Variants in ACSS3 observed in about 807,000 individuals in gnomAD.
The protein encoded by ACSS3 is acyl-CoA synthetase short chain family member 3.
In ACSS3, 64 loss-of-function variants were observed where a neutral mutation model predicts 84.2. The observed-to-expected ratio is 0.76, with a 90% CI of 0.62 to 0.94. The LOEUF (loss-of-function observed/expected upper bound fraction) is 0.94. ACSS3 is among the 40% of genes least tolerant of loss of function. The probability of loss-of-function intolerance (pLI) is 0.00; values close to 1 mark genes in which losing one functional copy is unlikely to be tolerated. For synonymous variants in ACSS3, 317 were observed against 310.1 expected (o/e 1.02, Z -0.23); for missense variants, 815 against 867.6 (o/e 0.94, Z 0.76).
intron 11 of ACSS3, among the ~76,000 whole-genome samples, chr12:81,222,788 G>T (rs2033153268): frequency 6.6e-6 from 1 of 151,896 alleles, no homozygotes; most frequent in Non-Finnish European, 1.5e-5. Flanking sequence ...ACTACTATAG[G>T]TCTTAAGATA....
intron 2 of ACSS3, among the ~76,000 whole-genome samples, chr12:81,132,349 A>T (rs979290149): frequency 1.3e-5 from 2 of 152,020 alleles, no homozygotes; most frequent in African/African-American, 4.8e-5. Flanking sequence ...TTCCTGGTTT[A>T]GTCTTGGGAG....
chr12:81,103,645 T>A (rs1401779312), intron 1 of ACSS3, among the ~76,000 whole-genome samples: 1 of 152,110 alleles, frequency 6.6e-6, no homozygotes, highest in African/African-American at 2.4e-5. Flanking sequence ...CTACAGAACC[T>A]ACCTCATTTG....
At position 81,260,908 on chromosome 12, in the gene ACSS3, T is replaced by G. The variant is rs1029326718; in HGVS notation, c.*5986T>G. 3.9e-5 allele frequency: 6 copies of G among 152,220 alleles called. No individual in the cohort carries two copies. The highest frequency in any genetic ancestry group is 1.4e-4 in the African/African-American group (6 of 41,466). 9.4% of individuals were successfully genotyped at this position (152,220 alleles called of 1,614,324 possible). A position where few individuals can be genotyped will look rare whatever the true frequency, so the allele number is the denominator to read the frequency against. ...GCATAGTTTTAGGTTGAAAAAAAAT[T>G]ATGAACATTTGACATTTATAAATCT... On this transcript the variant is annotated 3_prime_UTR_variant, in exon 16 of 16. Transcript: ENST00000548058.
At chr12:81,162,193 A>C (rs924920128) in intron 7 of ACSS3, among the ~76,000 whole-genome samples, 1 of 152,214 alleles carries the variant, frequency 6.6e-6, no homozygotes, top group African/African-American at 2.4e-5. Flanking sequence ...AGCAAGGCAA[A>C]GAGGTGCTTT....
intron 2 of ACSS3, among the ~76,000 whole-genome samples, chr12:81,131,283 T>G (rs546978651): frequency 4.1e-4 from 63 of 152,332 alleles, no homozygotes; most frequent in African/African-American, 1.4e-3. Context: ...TCCATTTGTT[T>G]GTGTCCTCTT....
intron 7 of ACSS3, among the ~76,000 whole-genome samples, chr12:81,170,868 T>G (rs1593155567): frequency 6.6e-6 from 1 of 152,112 alleles, no homozygotes; most frequent in African/African-American, 2.4e-5. Context: ...CTTGTCTATG[T>G]GTGTGTGCGT....
At chr12:81,085,647 C>T (rs1881262517) in intron 1 of ACSS3, among the ~76,000 whole-genome samples, 1 of 152,110 alleles carries the variant, frequency 6.6e-6, no homozygotes, top group Non-Finnish European at 1.5e-5. Context: ...AAATCTTGGC[C>T]AACCTGAAAA....
intron 9 of ACSS3, among the ~76,000 whole-genome samples, chr12:81,210,533 G>T: frequency 6.6e-6 from 1 of 151,714 alleles, no homozygotes; most frequent in Admixed American, 6.5e-5. Context: ...AAATAAGAAG[G>T]CTATGAACCT....
In ACSS3 at chr12:81,078,436, G is replaced by A. The variant is rs935097849; in HGVS notation, c.311+5G>A. 6.2e-7 allele frequency: 1 copy of A among 1,611,800 alleles called. No homozygotes were observed. Among genetic ancestry groups the A allele is most frequent in the Non-Finnish European group, 8.5e-7 (1 of 1,179,998 alleles). ...ACACTCGCCCTCTACCAGGTGGTGA[G>A]TGACTTCTGTGCCAACCCTGATCCC... is the stretch of plus-strand genomic sequence containing the variant. On this transcript the variant is annotated splice_donor_5th_base_variant and intron_variant, in intron 1 of 15. Transcript: ENST00000548058.
intron 7 of ACSS3, among the ~76,000 whole-genome samples, chr12:81,171,564 A>AT (rs1237438086): frequency 6.6e-6 from 1 of 152,146 alleles, no homozygotes; most frequent in African/African-American, 2.4e-5. Flanking sequence ...ACATTGTGGG[A>AT]TTTTATGAAT....
chr12:81,233,576 T>A, intron 13 of ACSS3, 105 bp downstream of exon 13: 2 of 1,418,116 alleles, frequency 1.4e-6, no homozygotes, highest in Non-Finnish European at 1.9e-6. Flanking sequence ...ACACCCTTCA[T>A]TTGCAGCAGA....
In ACSS3 at chr12:81,143,186, C is replaced by A; in HGVS notation, c.860C>A (p.Pro287His). ...AAAGCCCAGTCACATGACTGTGTTC[C>A]TGTTCTTTCAGAACACCCACTGTAT... ...MAKAQSHDCV[P>H]VLSEHPLYIL... Residue 287 changes from proline to histidine, a missense_variant, in exon 5 of 16, where the codon CCT becomes CAT. Pro to His is a moderately conservative substitution (Grantham distance 77). Coordinates refer to ENST00000548058, the MANE Select transcript of ACSS3 (RefSeq NM_024560.4). The A allele has an allele frequency of 6.2e-7, 1 of 1,613,464 alleles. No individual in the cohort carries two copies. The highest frequency in any genetic ancestry group is 8.5e-7 in the Non-Finnish European group (1 of 1,179,476).
At chr12:81,126,667 C>G (rs777686987) in intron 2 of ACSS3, among the ~76,000 whole-genome samples, 2 of 152,130 alleles carry the variant, frequency 1.3e-5, no homozygotes, top group Non-Finnish European at 2.9e-5. Flanking sequence ...TGTGAAATTA[C>G]AGTCTGAAAA....
chr12:81,117,393 G>A (rs893315623), intron 2 of ACSS3, among the ~76,000 whole-genome samples: 12 of 152,130 alleles, frequency 7.9e-5, no homozygotes, highest in African/African-American at 2.4e-4. Flanking sequence ...GAGGGACTTC[G>A]CCTGCCATTT....
intron 2 of ACSS3, among the ~76,000 whole-genome samples, chr12:81,132,425 T>G (rs1458566063): frequency 6.6e-6 from 1 of 152,196 alleles, no homozygotes; most frequent in East Asian, 1.9e-4. Context: ...TAGAGGTGTT[T>G]ATAGTATTCT....
Position 81,207,684 on chromosome 12 carries a change from C to T in ACSS3, c.1354+8240C>T, listed in dbSNP as rs149277844. Among the ~76,000 whole-genome samples the T allele has an allele frequency of 6.2e-4, 94 of 152,240 alleles. 1 individual carries two copies. The East Asian group carries it at 0.017, about 27-fold the overall frequency. On this transcript the variant is annotated intron_variant, in intron 9 of 15. Coordinates refer to ENST00000548058, the MANE Select transcript of ACSS3 (RefSeq NM_024560.4). ...ACTTGGACTGTAAAAGCGGAACTTA[C>T]GTTTGAGAAAATGTAACCGTAGAGA...
intron 5 of ACSS3, among the ~76,000 whole-genome samples, chr12:81,150,784 C>G (rs2135751901): frequency 6.6e-6 from 1 of 152,260 alleles, no homozygotes; most frequent in African/African-American, 2.4e-5. Flanking sequence ...TTTCATTTTC[C>G]TGATTTGTGT....
At chr12:81,228,090 A>G (rs2033331334) in intron 11 of ACSS3, among the ~76,000 whole-genome samples, 1 of 151,860 alleles carries the variant, frequency 6.6e-6, no homozygotes, top group Non-Finnish European at 1.5e-5. Context: ...TACTTTTGAT[A>G]TGATTAGGAT....
At chr12:81,228,330 T>C (rs2033339413) in intron 11 of ACSS3, among the ~76,000 whole-genome samples, 1 of 151,804 alleles carries the variant, frequency 6.6e-6, no homozygotes, top group Non-Finnish European at 1.5e-5. Flanking sequence ...TACAGGTATA[T>C]ATAAACTTAC....
Sources: allele counts gnomAD v4.1 joint callset (sites outside exome capture counted in the v4.1 genomes callset), GRCh38; gene constraint gnomAD v4.1.1; transcripts MANE v1.5; gene names NCBI Gene and HGNC (gene_info 2026-07-23, HGNC 2026-07-21).